FOXP1: variants seen among roughly 807,000 people sequenced by gnomAD.
FOXP1 encodes the protein forkhead box P1.
In FOXP1, 15 loss-of-function variants were observed where a neutral mutation model predicts 98.2. That is an observed-to-expected ratio of 0.15 (90% CI 0.10 to 0.24). FOXP1 has a LOEUF of 0.24. Ranked by LOEUF, FOXP1 falls within the 10% of genes least tolerant of loss-of-function variation. The pLI, the probability that FOXP1 is intolerant of heterozygous loss-of-function variation, is 1.00. For missense variants in FOXP1, 633 were observed against 848.5 expected (o/e 0.75, Z 3.15); for synonymous variants, 371 against 314.5 (o/e 1.18, Z -1.90).
chr3:71,078,656 G>A (rs11709019), intron 7 of FOXP1, among the ~76,000 whole-genome samples: 23,697 of 151,816 alleles, frequency 0.16, 2,571 homozygotes, highest in East Asian at 0.43. Flanking sequence ...ACGAAAAGCA[G>A]TTTTTCTAAA....
At chr3:71,108,456 T>C (rs908920579) in intron 7 of FOXP1, among the ~76,000 whole-genome samples, 1 of 152,198 alleles carries the variant, frequency 6.6e-6, no homozygotes, top group Non-Finnish European at 1.5e-5. Flanking sequence ...TCTTCAGAAG[T>C]ATATAAATAT....
At chr3:71,395,832 T>TGA (rs140226635) in intron 3 of FOXP1, among the ~76,000 whole-genome samples, 6,111 of 152,176 alleles carry the variant, frequency 0.04, 410 homozygotes, top group African/African-American at 0.14. Flanking sequence ...TAGAGTCCTT[T>TGA]GATATGGTCA....
Position 71,304,927 on chromosome 3 carries a change from T to A in FOXP1, c.-72-5047A>T, listed in dbSNP as rs539531927. ...AACCGGTCATGAAAACTCCTTCTTT[T>A]AGAGCCTGGACATAATTCCCACACC... On this transcript the variant is annotated intron_variant, in intron 4 of 20. Coordinates refer to ENST00000649528, the MANE Select transcript of FOXP1 (RefSeq NM_001349338.3). Among the ~76,000 whole-genome samples, 20 of 152,360 alleles carry A rather than the reference T, an allele frequency of 1.3e-4. No individual in the cohort carries two copies. In the East Asian group the frequency reaches 3.9e-3, roughly 29 times the overall value.
At chr3:71,569,114 A>G (rs2047137751) in intron 2 of FOXP1, among the ~76,000 whole-genome samples, 2 of 152,184 alleles carry the variant, frequency 1.3e-5, no homozygotes, top group Non-Finnish European at 1.5e-5. Flanking sequence ...CATCCCTAAT[A>G]CATGCTCCAA....
chr3:71,166,015 C>A (rs1576153447), intron 6 of FOXP1, among the ~76,000 whole-genome samples: 2 of 152,168 alleles, frequency 1.3e-5, no homozygotes, highest in South Asian at 4.1e-4. Flanking sequence ...AACAAGTTCC[C>A]CAAAAGAATG....
chr3:71,052,284 G>C (rs992559324), intron 9 of FOXP1, among the ~76,000 whole-genome samples: 1 of 152,122 alleles, frequency 6.6e-6, no homozygotes, highest in African/African-American at 2.4e-5. Flanking sequence ...GTAACCTGAA[G>C]ACTCTGTCAA....
intron 5 of FOXP1, among the ~76,000 whole-genome samples, chr3:71,265,319 A>C (rs1370879219): frequency 1.3e-5 from 2 of 152,186 alleles, no homozygotes; most frequent in African/African-American, 4.8e-5. Context: ...AGGATATAAG[A>C]AAGAAAAGAG....
chr3:71,208,442 A>G (rs1321747184), intron 5 of FOXP1, among the ~76,000 whole-genome samples: 2 of 152,174 alleles, frequency 1.3e-5, no homozygotes, highest in African/African-American at 4.8e-5. Flanking sequence ...TCATCCAAGC[A>G]AAAGATAAGA....
intron 2 of FOXP1, among the ~76,000 whole-genome samples, chr3:71,532,160 C>A (rs537043535): frequency 1.3e-5 from 2 of 152,240 alleles, no homozygotes; most frequent in South Asian, 2.1e-4. Flanking sequence ...TGTGCAGTGG[C>A]GTGATCTTGG....
chr3:71,178,767 C>T (rs2062100080), intron 6 of FOXP1, among the ~76,000 whole-genome samples: 1 of 151,860 alleles, frequency 6.6e-6, no homozygotes, highest in African/African-American at 2.4e-5. Context: ...GCCTGTAGTC[C>T]CAGCTACTTG....
At chr3:71,314,947 C>T (rs1224810902) in intron 4 of FOXP1, among the ~76,000 whole-genome samples, 1 of 151,740 alleles carries the variant, frequency 6.6e-6, no homozygotes, top group African/African-American at 2.4e-5. Flanking sequence ...TTTTTAAATG[C>T]CTTTCAGCTC....
chr3:71,181,002 G>T (rs1045281443), intron 6 of FOXP1, among the ~76,000 whole-genome samples: 1 of 152,174 alleles, frequency 6.6e-6, no homozygotes, highest in African/African-American at 2.4e-5. Flanking sequence ...CACAAGAACC[G>T]GTTCCCTGCA....
chr3:71,370,989 C>T (rs1423417903), intron 3 of FOXP1, among the ~76,000 whole-genome samples: 1 of 151,826 alleles, frequency 6.6e-6, no homozygotes, highest in Non-Finnish European at 1.5e-5. Context: ...AGACGCTAGG[C>T]TGGTCTCGAA....
At chr3:71,469,285 C>A (rs1201035902) in intron 3 of FOXP1, among the ~76,000 whole-genome samples, 1 of 152,044 alleles carries the variant, frequency 6.6e-6, no homozygotes. Context: ...TCCATAGTAA[C>A]CAACAGATTT....
chr3:71,583,521 G>A (rs1452787859), intron 1 of FOXP1, 50 bp downstream of exon 1: 11 of 981,980 alleles, frequency 1.1e-5, no homozygotes, highest in Non-Finnish European at 1.3e-5. Flanking sequence ...AAACAAGACA[G>A]GAGGCGGCTT....
At chr3:71,045,257 A>G (rs1175941066) in intron 10 of FOXP1, among the ~76,000 whole-genome samples, 1 of 152,190 alleles carries the variant, frequency 6.6e-6, no homozygotes, top group East Asian at 1.9e-4. Flanking sequence ...ATTACCTACC[A>G]GTGTCTCTGA....
chr3:71,035,870 A>G (rs111453294), intron 11 of FOXP1, among the ~76,000 whole-genome samples: 55 of 152,286 alleles, frequency 3.6e-4, no homozygotes, highest in African/African-American at 1.3e-3. Flanking sequence ...CAGAACATGC[A>G]CCAGTTAAAG....
intron 4 of FOXP1, among the ~76,000 whole-genome samples, chr3:71,325,411 C>A (rs2075633529): frequency 6.6e-6 from 1 of 152,092 alleles, no homozygotes; most frequent in Admixed American, 6.5e-5. Flanking sequence ...ATTTTACAGA[C>A]CAAACACAAC....
In FOXP1 at chr3:71,197,860, T is replaced by C. The variant is rs1380530310; in HGVS notation, c.180+342A>G. On this transcript the variant is annotated intron_variant, in intron 6 of 20. Transcript: ENST00000649528. ...CTGTTTTTCGTTTAATTTTTATTTTTGCATGAAAGCAGTGGGAACCATTTC... is the reference window on the plus strand; with the variant it reads ...CTGTTTTTCGTTTAATTTTTATTTTCGCATGAAAGCAGTGGGAACCATTTC... The C allele has an allele frequency of 3.1e-6, 5 of 1,612,262 alleles. No individual in the cohort carries two copies. The African/African-American group carries it at 6.7e-5, about 22-fold the overall frequency.
Sources: allele counts gnomAD v4.1 joint callset (sites outside exome capture counted in the v4.1 genomes callset), GRCh38; gene constraint gnomAD v4.1.1; transcripts MANE v1.5; gene names NCBI Gene and HGNC (gene_info 2026-07-23, HGNC 2026-07-21).